The following PDE1C variants were observed in gnomAD, a reference collection of about 807,000 sequenced individuals.
PDE1C encodes the protein dual specificity calcium/calmodulin-dependent 3',5'-cyclic nucleotide phosphodiesterase 1C.
A neutral mutation model predicts 93.1 loss-of-function variants in PDE1C; 62 were observed. The observed-to-expected ratio is 0.67, with a 90% CI of 0.54 to 0.82. The LOEUF (loss-of-function observed/expected upper bound fraction) is 0.82, where lower values mean the gene tolerates loss of function less well. Ranked by LOEUF, PDE1C falls within the 40% of genes least tolerant of loss-of-function variation. PDE1C has a pLI of 0.00. For missense variants in PDE1C, 742 were observed against 884.6 expected, an observed-to-expected ratio of 0.84 and a Z score of 2.04; for synonymous variants, 325 against 310.1, an observed-to-expected ratio of 1.05 and a Z score of -0.50.
intron 2 of PDE1C, among the ~76,000 whole-genome samples, chr7:31,998,453 G>A (rs59751218): frequency 0.19 from 29,166 of 152,074 alleles, 3,194 homozygotes; most frequent in Admixed American, 0.34. Flanking sequence ...CATTTATTAT[G>A]TCAATTAATT....
intron 2 of PDE1C, among the ~76,000 whole-genome samples, chr7:32,207,697 A>G (rs1325847595): frequency 6.6e-6 from 1 of 152,100 alleles, no homozygotes; most frequent in Non-Finnish European, 1.5e-5. Context: ...CGTGTTCATC[A>G]TGTCCTCACC....
intron 2 of PDE1C, among the ~76,000 whole-genome samples, chr7:31,933,462 T>A (rs916576360): frequency 1.3e-5 from 2 of 152,206 alleles, no homozygotes. Flanking sequence ...ATTATTGTAT[T>A]GGAAGAAACT....
At chr7:31,839,995 C>T (rs1306947487) in intron 9 of PDE1C, among the ~76,000 whole-genome samples, 1 of 152,152 alleles carries the variant, frequency 6.6e-6, no homozygotes, top group Non-Finnish European at 1.5e-5. Flanking sequence ...TGATATCATG[C>T]CACTGCACTC....
At chr7:31,870,273 G>A (rs939971430) in intron 6 of PDE1C, among the ~76,000 whole-genome samples, 2 of 151,816 alleles carry the variant, frequency 1.3e-5, no homozygotes, top group Non-Finnish European at 2.9e-5. Flanking sequence ...AAATGAAATA[G>A]AGACTAACAA....
At chr7:31,684,055 T>C in the PDE1C span, among the ~76,000 whole-genome samples, 1 of 152,116 alleles carries the variant, frequency 6.6e-6, no homozygotes, top group East Asian at 1.9e-4. Context: ...ACATATGTGG[T>C]TGTTATTTAG....
intron 2 of PDE1C, among the ~76,000 whole-genome samples, chr7:32,201,302 A>G (rs57316100): frequency 0.036 from 5,497 of 152,292 alleles, 337 homozygotes; most frequent in African/African-American, 0.12. Context: ...AGGAGTATAT[A>G]TTGAGAGGAT....
intron 1 of PDE1C, among the ~76,000 whole-genome samples, chr7:32,425,448 A>C (rs34313270): frequency 0.17 from 25,886 of 152,152 alleles, 2,741 homozygotes; most frequent in Admixed American, 0.27. Context: ...TAAAACTCAG[A>C]ATGTAATTTT....
chr7:31,963,789 G>A (rs922388208), intron 2 of PDE1C, among the ~76,000 whole-genome samples: 1 of 152,200 alleles, frequency 6.6e-6, no homozygotes, highest in Admixed American at 6.5e-5. Context: ...GTCTGGCATT[G>A]AATTAGGCTA....
chr7:31,966,296 A>G (rs1809948491), intron 2 of PDE1C, among the ~76,000 whole-genome samples: 1 of 152,188 alleles, frequency 6.6e-6, no homozygotes, highest in African/African-American at 2.4e-5. Flanking sequence ...AAAAAAAGGC[A>G]AGGGTTGCAA....
chr7:32,203,420 C>A (rs1204209989), intron 2 of PDE1C, among the ~76,000 whole-genome samples: 1 of 152,062 alleles, frequency 6.6e-6, no homozygotes, highest in African/African-American at 2.4e-5. Context: ...TCTATTTCAA[C>A]CAACCCCAGC....
At chr7:32,299,160 G>A (rs1200476929) in exon 1 of PDE1C, 1 of 1,001,110 alleles carries the variant, frequency 1.0e-6, no homozygotes, top group Admixed American at 6.0e-5. Flanking sequence ...TCCGTCTCTG[G>A]TGGCTGGGGG....
chr7:31,781,932 G>A (rs2128639355), intron 16 of PDE1C, among the ~76,000 whole-genome samples: 1 of 152,178 alleles, frequency 6.6e-6, no homozygotes, highest in East Asian at 1.9e-4. Context: ...ATTTGAATGT[G>A]CTTTGAACTT....
chr7:31,943,518 G>A (rs1428516337), intron 2 of PDE1C, among the ~76,000 whole-genome samples: 1 of 152,118 alleles, frequency 6.6e-6, no homozygotes, highest in Non-Finnish European at 1.5e-5. Context: ...TATACCTAGA[G>A]GTTTTAGAGT....
chr7:31,652,594 A>G, the PDE1C span: 2 of 1,613,002 alleles, frequency 1.2e-6, no homozygotes, highest in Non-Finnish European at 1.7e-6. Flanking sequence ...GAAGAAAGCA[A>G]TGGGCAGACT....
intron 1 of PDE1C, among the ~76,000 whole-genome samples, chr7:32,212,884 G>T (rs1306831461): frequency 1.3e-5 from 2 of 152,140 alleles, no homozygotes; most frequent in Admixed American, 1.3e-4. Flanking sequence ...AGGTTTCTTA[G>T]AATACAGTTT....
intron 1 of PDE1C, among the ~76,000 whole-genome samples, chr7:32,235,742 G>A (rs1401199529): frequency 2.6e-5 from 4 of 152,032 alleles, no homozygotes; most frequent in Non-Finnish European, 5.9e-5. Context: ...CTGACCTACT[G>A]ATATAACACA....
At chr7:31,674,621 G>A in the PDE1C span, among the ~76,000 whole-genome samples, 3 of 152,114 alleles carry the variant, frequency 2.0e-5, no homozygotes, top group Non-Finnish European at 4.4e-5. Flanking sequence ...AGACCCACAC[G>A]TATGCAGAAA....
At chr7:32,380,825 CAG>C (rs1446223674) in intron 1 of PDE1C, among the ~76,000 whole-genome samples, 1 of 152,144 alleles carries the variant, frequency 6.6e-6, no homozygotes, top group Non-Finnish European at 1.5e-5. Flanking sequence ...ACCTCTAACA[CAG>C]GGGTGCCTCA....
At chr7:31,868,691 G>A (rs900734141) in intron 6 of PDE1C, among the ~76,000 whole-genome samples, 2 of 152,026 alleles carry the variant, frequency 1.3e-5, no homozygotes, top group Admixed American at 6.6e-5. Context: ...GACACAGGAA[G>A]CTCAAAGATT....
Sources: allele counts gnomAD v4.1 joint callset (sites outside exome capture counted in the v4.1 genomes callset), GRCh38; gene constraint gnomAD v4.1.1; transcripts MANE v1.5; gene names NCBI Gene and HGNC (gene_info 2026-07-23, HGNC 2026-07-21).